Variants in CBFB observed in about 807,000 individuals in gnomAD.
CBFB encodes the protein core-binding factor subunit beta, also known as CBF-beta.
Under a neutral mutation model 30.4 loss-of-function variants are expected in CBFB, and 9 were observed. The observed-to-expected ratio is 0.30, with a 90% CI of 0.18 to 0.52. The LOEUF is 0.52. Among genes scored for constraint, CBFB ranks in the 20% least tolerant of loss-of-function variants. The pLI, the probability that CBFB is intolerant of heterozygous loss-of-function variation, is 0.97. For missense variants in CBFB, 170 were observed against 244.0 expected (o/e 0.70, Z 2.02); for synonymous variants, 94 against 84.0 (o/e 1.12, Z -0.65).
At chr16:67,053,023 GA>G (rs1031096437) in intron 3 of CBFB, among the ~76,000 whole-genome samples, 7 of 144,982 alleles carry the variant, frequency 4.8e-5, no homozygotes, top group Admixed American at 3.4e-4. Flanking sequence ...AAAAAAAAAA[GA>G]AAAAAAGAGA....
intron 3 of CBFB, among the ~76,000 whole-genome samples, chr16:67,051,290 A>G (rs1966734757): frequency 6.6e-6 from 1 of 152,170 alleles, no homozygotes; most frequent in Admixed American, 6.6e-5. Flanking sequence ...GCTGTTGAAC[A>G]CTTATAATGT....
chr16:67,064,774 G>A (rs1961006534), intron 3 of CBFB, among the ~76,000 whole-genome samples: 1 of 152,060 alleles, frequency 6.6e-6, no homozygotes, highest in South Asian at 2.1e-4. Flanking sequence ...TTATTCTAGA[G>A]TTATTTATTT....
At position 67,084,165 on chromosome 16, in the gene CBFB, CAAA is replaced by C. The variant is rs368748767; in HGVS notation, c.495+1879_495+1881del. 5.7e-3 allele frequency among the ~76,000 whole-genome samples: 307 copies of C among 54,312 alleles called. 3 individuals carry two copies. Among genetic ancestry groups the C allele is most frequent in the African/African-American group, 0.021 (282 of 13,466 alleles). 35.6% of individuals were successfully genotyped at this position (54,312 alleles called of 152,430 possible). A position where few individuals can be genotyped will look rare whatever the true frequency, so the allele number is the denominator to read the frequency against. On this transcript the variant is annotated intron_variant, in intron 5 of 5. Transcript: ENST00000412916. ...TGGATGACAGAGCAGGACCCTACCT[CAAA>C]AAAAAAAAAAAAAAAAAAAAAGTAT... is the stretch of plus-strand genomic sequence containing the variant.
chr16:67,053,021 A>G (rs1960601713), intron 3 of CBFB, among the ~76,000 whole-genome samples: 1 of 151,596 alleles, frequency 6.6e-6, no homozygotes, highest in African/African-American at 2.4e-5. Flanking sequence ...AAAAAAAAAA[A>G]AGAAAAAAAG....
intron 5 of CBFB, among the ~76,000 whole-genome samples, chr16:67,085,320 C>T (rs1249756320): frequency 6.6e-6 from 1 of 151,872 alleles, no homozygotes; most frequent in African/African-American, 2.4e-5. Context: ...CAGGTTCCTG[C>T]CAGCACGCCC....
Position 67,100,371 on chromosome 16 carries a change from GTATT to G in CBFB, c.*1595_*1598del. On this transcript the variant is annotated 3_prime_UTR_variant, in exon 6 of 6. Coordinates refer to ENST00000412916, the MANE Select transcript of CBFB (RefSeq NM_022845.3). ...AACAGATATCCTGTATCAAATAAAA[GTATT>G]TGTTATATATTTGAAGTTATGCATG... 4.5e-6 allele frequency: 1 copy of G among 221,382 alleles called. No individual in the cohort carries two copies. The highest frequency in any genetic ancestry group is 9.1e-6 in the Non-Finnish European group (1 of 110,452). The allele number at this position is 221,382 out of a possible 1,614,324, so 13.7% of individuals were successfully genotyped here.
intron 4 of CBFB, among the ~76,000 whole-genome samples, chr16:67,080,607 TA>T (rs1407648951): frequency 1.3e-5 from 2 of 152,232 alleles, no homozygotes; most frequent in Non-Finnish European, 2.9e-5. Context: ...CTTTAGCCAC[TA>T]ACTGGGAAAA....
At chr16:67,096,138 C>T (rs1962039899) in intron 5 of CBFB, among the ~76,000 whole-genome samples, 1 of 151,794 alleles carries the variant, frequency 6.6e-6, no homozygotes, top group African/African-American at 2.4e-5. Context: ...GGCAAAACCC[C>T]ATCACTACTA....
intron 5 of CBFB, among the ~76,000 whole-genome samples, chr16:67,094,069 T>C (rs1179951241): frequency 6.6e-6 from 1 of 151,754 alleles, no homozygotes; most frequent in African/African-American, 2.4e-5. Context: ...CCCAGATCTC[T>C]CATTCTTCCC....
intron 5 of CBFB, among the ~76,000 whole-genome samples, chr16:67,098,459 T>C (rs1962119607): frequency 1.3e-5 from 2 of 152,214 alleles, no homozygotes; most frequent in South Asian, 4.1e-4. Flanking sequence ...TTATTTCTTA[T>C]GTAGTACATA....
intron 3 of CBFB, among the ~76,000 whole-genome samples, chr16:67,043,135 C>T (rs904041254): frequency 2.6e-5 from 4 of 152,148 alleles, no homozygotes; most frequent in Admixed American, 6.6e-5. Context: ...AGAAGCTGGT[C>T]ACTAAGTCTA....
chr16:67,072,188 T>C (rs1282455793), intron 4 of CBFB, among the ~76,000 whole-genome samples: 4 of 152,210 alleles, frequency 2.6e-5, no homozygotes, highest in Non-Finnish European at 5.9e-5. Context: ...TTATATAATA[T>C]TTTGACCCAC....
intron 5 of CBFB, among the ~76,000 whole-genome samples, chr16:67,084,120 C>T (rs969570963): frequency 3.8e-5 from 5 of 130,540 alleles, no homozygotes; most frequent in Middle Eastern, 4.5e-3. Context: ...GAGCTATGAT[C>T]GTGCCACTGT....
At chr16:67,081,713 G>A (rs977493141) in intron 4 of CBFB, among the ~76,000 whole-genome samples, 3 of 152,066 alleles carry the variant, frequency 2.0e-5, no homozygotes, top group African/African-American at 7.2e-5. Flanking sequence ...GGCTGAGGCA[G>A]GAGAATTGCT....
At chr16:67,049,463 A>G (rs560558365) in intron 3 of CBFB, among the ~76,000 whole-genome samples, 1 of 151,570 alleles carries the variant, frequency 6.6e-6, no homozygotes, top group East Asian at 2.0e-4. Context: ...TGGCCTCCCA[A>G]AGTGCTGGTA....
At chr16:67,081,741 A>G (rs1459929705) in intron 4 of CBFB, among the ~76,000 whole-genome samples, 2 of 151,696 alleles carry the variant, frequency 1.3e-5, no homozygotes, top group Non-Finnish European at 2.9e-5. Context: ...GGTTAAGCCT[A>G]TGATTTTCAG....
intron 5 of CBFB, among the ~76,000 whole-genome samples, chr16:67,092,755 C>G (rs887600229): frequency 8.4e-6 from 1 of 118,430 alleles, no homozygotes; most frequent in Non-Finnish European, 1.6e-5. Flanking sequence ...CTCTGCTGCC[C>G]AGGCTGGAGT....
intron 4 of CBFB, among the ~76,000 whole-genome samples, chr16:67,073,731 G>C (rs1170852769): frequency 6.6e-6 from 1 of 151,626 alleles, no homozygotes; most frequent in Non-Finnish European, 1.5e-5. Flanking sequence ...AGCAGAGTGA[G>C]ACTCCATCTC....
At chr16:67,030,104 A>AC in intron 2 of CBFB, 1 of 365,920 alleles carries the variant, frequency 2.7e-6, no homozygotes, top group Non-Finnish European at 4.9e-6. Context: ...TTAGGCGGCG[A>AC]CACCGAAGAA....
Sources: allele counts gnomAD v4.1 joint callset (sites outside exome capture counted in the v4.1 genomes callset), GRCh38; gene constraint gnomAD v4.1.1; transcripts MANE v1.5; gene names NCBI Gene and HGNC (gene_info 2026-07-23, HGNC 2026-07-21).